Variants in CCDC77 observed in about 807,000 individuals in gnomAD.
CCDC77 encodes coiled-coil domain containing 77, also known as coiled-coil domain-containing protein 77.
In CCDC77, 56 loss-of-function variants were observed where a neutral mutation model predicts 66.8. The ratio of observed to expected loss-of-function variants is 0.84; its 90% CI spans 0.68 to 1.05. CCDC77 has a LOEUF of 1.05. Among genes scored for constraint, CCDC77 ranks in the 50% least tolerant of loss-of-function variants. CCDC77 has a pLI of 0.00. For missense variants in CCDC77, 570 were observed against 576.8 expected (o/e 0.99, Z 0.12); for synonymous variants, 196 against 195.2 (o/e 1.00, Z -0.03).
At chr12:402,000 C>CA in intron 1 of CCDC77, among the ~76,000 whole-genome samples, 1 of 152,262 alleles carries the variant, frequency 6.6e-6, no homozygotes, top group South Asian at 2.1e-4. Flanking sequence ...GTCTAGCTCT[C>CA]AGTTTCCTCA....
Position 440,743 on chromosome 12 carries a change from G to T in CCDC77, c.1167+1G>T. 1 of 1,613,948 alleles carries T rather than the reference G, an allele frequency of 6.2e-7. No homozygotes were observed. The highest frequency in any genetic ancestry group is 8.5e-7 in the Non-Finnish European group (1 of 1,180,040). On this transcript the variant is annotated splice_donor_variant, in intron 11 of 12. Transcript: ENST00000239830. LOFTEE classifies it high-confidence loss of function. The stretch of plus-strand genomic sequence containing the variant: ...GGGAATGAGGAGAGAGATCTTCAAG[G>T]TACGAAATTATCTGCCACTTGTAAT...
At chr12:436,683 T>C in intron 9 of CCDC77, 1 of 658,434 alleles carries the variant, frequency 1.5e-6, no homozygotes, top group Non-Finnish European at 1.9e-6. Context: ...TCATAGTAAT[T>C]TGTAATTTTA....
chr12:419,165 A>T (rs1565570541), intron 5 of CCDC77, among the ~76,000 whole-genome samples: 1 of 152,224 alleles, frequency 6.6e-6, no homozygotes, highest in South Asian at 2.1e-4. Flanking sequence ...ATATGAACGG[A>T]TACTGTGGTA....
At chr12:403,492 A>G (rs1565562607) in intron 1 of CCDC77, among the ~76,000 whole-genome samples, 1 of 152,108 alleles carries the variant, frequency 6.6e-6, no homozygotes, top group Non-Finnish European at 1.5e-5. Flanking sequence ...AGCAATATTT[A>G]TTTTTATTAT....
intron 6 of CCDC77, among the ~76,000 whole-genome samples, chr12:429,554 G>A (rs1471187440): frequency 2.0e-5 from 3 of 151,802 alleles, no homozygotes; most frequent in Non-Finnish European, 2.9e-5. Flanking sequence ...CCGCTCTGGG[G>A]CTCAAGCACT....
intron 4 of CCDC77, among the ~76,000 whole-genome samples, chr12:413,918 G>A (rs866531927): frequency 1.3e-5 from 2 of 149,926 alleles, no homozygotes; most frequent in East Asian, 2.0e-4. Context: ...GTGAGCCACC[G>A]CGCCCAGCTG....
In CCDC77 at chr12:407,356, A is replaced by G. The variant is rs118059452; in HGVS notation, c.-17+1792A>G. On this transcript the variant is annotated intron_variant, in intron 2 of 12. Transcript: ENST00000239830. ...CAGCATAGAATTAGTATTTATTGGAATGTAGAATTCTGAGAGAAGAGCAGG... is the reference window on the plus strand; with the variant it reads ...CAGCATAGAATTAGTATTTATTGGAGTGTAGAATTCTGAGAGAAGAGCAGG... Among the ~76,000 whole-genome samples, 21 of 152,280 alleles carry G rather than the reference A, an allele frequency of 1.4e-4. No homozygotes were observed. In the East Asian group the frequency reaches 3.3e-3, roughly 24 times the overall value.
At chr12:404,783 C>T (rs1322662543) in intron 1 of CCDC77, among the ~76,000 whole-genome samples, 1 of 146,112 alleles carries the variant, frequency 6.8e-6, no homozygotes, top group Admixed American at 7.1e-5. Flanking sequence ...AGTGTAATGG[C>T]GCGATCTTGG....
chr12:438,496 T>C lies in CCDC77; in HGVS notation c.983T>C (p.Ile328Thr). 1.2e-6 allele frequency: 2 copies of C among 1,614,100 alleles called. No individual in the cohort carries two copies. The highest frequency in any genetic ancestry group is 1.3e-5 in the African/African-American group (1 of 75,048). ...CAGTGTAAGAAGAAAGAAGATAAAATTGGAAAAGTGTTGCCCGTTATGCAT... is the reference window on the plus strand; with the variant it reads ...CAGTGTAAGAAGAAAGAAGATAAAACTGGAAAAGTGTTGCCCGTTATGCAT... ...RVQCKKKEDK[I>T]GKVLPVMHES... The change falls in exon 10 of 13, where the codon ATT becomes ACT. Residue 328 changes from isoleucine (I) to threonine (T), a missense_variant. Coordinates refer to ENST00000239830, the MANE Select transcript of CCDC77 (RefSeq NM_032358.4).
intron 3 of CCDC77, chr12:409,650 G>T: frequency 1.9e-6 from 1 of 524,440 alleles, no homozygotes; most frequent in Non-Finnish European, 3.4e-6. Flanking sequence ...CCAGAGTGCT[G>T]TGATTACAGG....
At chr12:416,377 GTATATA>G (rs1167006549) in intron 4 of CCDC77, among the ~76,000 whole-genome samples, 75 of 20,538 alleles carry the variant, frequency 3.7e-3, no homozygotes, top group African/African-American at 7.0e-3. Context: ...GTGTGTGTGT[GTATATA>G]TATATATATA....
At chr12:424,832 G>C (rs929978901) in intron 5 of CCDC77, among the ~76,000 whole-genome samples, 1 of 151,074 alleles carries the variant, frequency 6.6e-6, no homozygotes, top group African/African-American at 2.4e-5. Context: ...ACAGCATTAG[G>C]TAAGGTTCCA....
At chr12:417,454 C>T (rs1945307546) in intron 4 of CCDC77, among the ~76,000 whole-genome samples, 1 of 152,166 alleles carries the variant, frequency 6.6e-6, no homozygotes, top group Admixed American at 6.6e-5. Flanking sequence ...CCACGCTTTC[C>T]CCCACACCAT....
chr12:436,115 CT>C (rs1181059309), intron 9 of CCDC77, among the ~76,000 whole-genome samples: 7,249 of 105,952 alleles, frequency 0.068, 159 homozygotes, highest in African/African-American at 0.17. Context: ...GATCCTTTGT[CT>C]TTTTTTTTTT....
Position 403,922 on chromosome 12 carries a change from A to G in CCDC77, c.-70-1589A>G, listed in dbSNP as rs566255496. 2.4e-4 allele frequency among the ~76,000 whole-genome samples: 36 copies of G among 152,256 alleles called. No homozygotes were observed. In the South Asian group the frequency reaches 6.4e-3, roughly 27 times the overall value. On this transcript the variant is annotated intron_variant, in intron 1 of 12. Transcript: ENST00000239830. The stretch of plus-strand genomic sequence containing the variant: ...CCTCGCACCAAGCAGGTGGGACTAC[A>G]TTGCCACTGTGCCCAGCTAATTTTT...
intron 11 of CCDC77, 44 bp from the exon 12 acceptor site, chr12:440,800 G>A (rs758622625): frequency 2.4e-5 from 39 of 1,612,768 alleles, no homozygotes; most frequent in Non-Finnish European, 3.0e-5. Context: ...TGGGGAAGAC[G>A]CTTCCCTCAC....
At chr12:414,601 G>C (rs1207117907) in intron 4 of CCDC77, among the ~76,000 whole-genome samples, 1 of 152,000 alleles carries the variant, frequency 6.6e-6, no homozygotes, top group East Asian at 1.9e-4. Context: ...TTCTCCTGAG[G>C]CTCCTTTCTC....
intron 1 of CCDC77, among the ~76,000 whole-genome samples, chr12:391,576 T>C (rs1267214528): frequency 1.3e-5 from 2 of 152,256 alleles, no homozygotes; most frequent in Non-Finnish European, 2.9e-5. Context: ...TAATTCATTT[T>C]ATTAAACATT....
At chr12:398,482 C>T (rs893985079), upstream of CCDC77, among the ~76,000 whole-genome samples, 5 of 151,694 alleles carry the variant, frequency 3.3e-5, no homozygotes, top group African/African-American at 1.2e-4. Context: ...CTCTGTTGCC[C>T]AGGCTGGACT....
Sources: allele counts gnomAD v4.1 joint callset (sites outside exome capture counted in the v4.1 genomes callset), GRCh38; gene constraint gnomAD v4.1.1; transcripts MANE v1.5; gene names NCBI Gene and HGNC (gene_info 2026-07-23, HGNC 2026-07-21).